MTREX: variants seen among roughly 807,000 people sequenced by gnomAD.
The protein encoded by MTREX is Mtr4 exosome RNA helicase, also known as exosome RNA helicase MTR4.
In MTREX, 76 loss-of-function variants were observed where a neutral mutation model predicts 135.4. That is an observed-to-expected ratio of 0.56 (90% confidence interval 0.47 to 0.68). MTREX has a LOEUF of 0.68. MTREX is among the 30% of genes least tolerant of loss of function. The pLI is 0.00. For missense variants in MTREX, 920 were observed against 1,262.1 expected (o/e 0.73, Z 4.11); for synonymous variants, 404 against 401.6 (o/e 1.01, Z -0.07).
intron 16 of MTREX, among the ~76,000 whole-genome samples, chr5:55,375,469 A>G (rs1056633790): frequency 1.3e-5 from 2 of 152,184 alleles, no homozygotes; most frequent in Non-Finnish European, 2.9e-5. Flanking sequence ...AAGAAGAGAA[A>G]TATGGCTCTG....
At chr5:55,393,579 A>G (rs1750602598) in intron 19 of MTREX, among the ~76,000 whole-genome samples, 1 of 152,214 alleles carries the variant, frequency 6.6e-6, no homozygotes, top group Non-Finnish European at 1.5e-5. Context: ...TGCTTCTTAT[A>G]TTGTCTACCA....
intron 13 of MTREX, among the ~76,000 whole-genome samples, chr5:55,351,841 A>C (rs1342876580): frequency 6.6e-6 from 1 of 150,508 alleles, no homozygotes; most frequent in African/African-American, 2.4e-5. Context: ...TATGACTCAT[A>C]CTTTTTTTTT....
chr5:55,403,947 C>T (rs758508541), intron 21 of MTREX, among the ~76,000 whole-genome samples: 2 of 152,182 alleles, frequency 1.3e-5, no homozygotes, highest in Non-Finnish European at 1.5e-5. Flanking sequence ...CTTTATCACT[C>T]AGTAGCTCTG....
chr5:55,409,706 T>C (rs914436465), intron 22 of MTREX, among the ~76,000 whole-genome samples: 2 of 152,216 alleles, frequency 1.3e-5, no homozygotes, highest in Non-Finnish European at 2.9e-5. Context: ...TCTGGACTTG[T>C]ACATTTTGAC....
At chr5:55,383,874 A>G (rs141309273) in intron 18 of MTREX, among the ~76,000 whole-genome samples, 74 of 152,296 alleles carry the variant, frequency 4.9e-4, no homozygotes, top group Middle Eastern at 3.4e-3. Flanking sequence ...AGCTCAAGCA[A>G]TCCTTCCACC....
At chr5:55,376,254 A>G (rs78730105) in intron 16 of MTREX, among the ~76,000 whole-genome samples, 62 of 152,244 alleles carry the variant, frequency 4.1e-4, no homozygotes, top group Non-Finnish European at 8.2e-4. Flanking sequence ...TTTCCCATGA[A>G]TGATCAGTCA....
At chr5:55,364,798 A>G (rs1156261950) in intron 15 of MTREX, among the ~76,000 whole-genome samples, 4 of 150,094 alleles carry the variant, frequency 2.7e-5, no homozygotes, top group African/African-American at 9.8e-5. Context: ...GGGAGAGAGA[A>G]CGCAGAATAA....
chr5:55,416,678 T>G (rs951890878), intron 25 of MTREX, among the ~76,000 whole-genome samples: 2 of 152,116 alleles, frequency 1.3e-5, no homozygotes, highest in South Asian at 2.1e-4. Flanking sequence ...AAGTGAATAA[T>G]AAGAAGCAAA....
chr5:55,337,240 C>G (rs1027509673), intron 5 of MTREX, among the ~76,000 whole-genome samples: 2 of 152,088 alleles, frequency 1.3e-5, no homozygotes, highest in African/African-American at 4.8e-5. Flanking sequence ...CCCACCTCAG[C>G]CACCTTAGTA....
chr5:55,383,243 T>C (rs1346426530), intron 18 of MTREX, among the ~76,000 whole-genome samples: 6 of 152,202 alleles, frequency 3.9e-5, no homozygotes, highest in African/African-American at 1.4e-4. Flanking sequence ...TTTATAATTA[T>C]ATAATTACCT....
At chr5:55,323,656 G>A (rs1373119965) in intron 2 of MTREX, among the ~76,000 whole-genome samples, 4 of 152,162 alleles carry the variant, frequency 2.6e-5, no homozygotes, top group African/African-American at 9.7e-5. Context: ...CTGGGCTCAA[G>A]TGATCCACCC....
Position 55,388,259 on chromosome 5 carries a change from G to A in MTREX, c.2181+157G>A, listed in dbSNP as rs553098269. Reference sequence around the variant, plus strand: ...AGGTATATTAGTAAAGCTATCTAACGTATCAGTAGGATAATTAATGAGATT... The same window carrying A: ...AGGTATATTAGTAAAGCTATCTAACATATCAGTAGGATAATTAATGAGATT... On this transcript the variant is annotated intron_variant, in intron 19 of 26. Coordinates refer to ENST00000230640, the MANE Select transcript of MTREX (RefSeq NM_015360.5). Among the ~76,000 whole-genome samples, 140 of 152,148 alleles carry A rather than the reference G, an allele frequency of 9.2e-4. 2 individuals are homozygous for A. In the Middle Eastern group the frequency reaches 0.017, roughly 18 times the overall value.
At chr5:55,331,137 T>C (rs1316959913) in intron 5 of MTREX, among the ~76,000 whole-genome samples, 2 of 152,168 alleles carry the variant, frequency 1.3e-5, no homozygotes, top group South Asian at 4.1e-4. Flanking sequence ...AATATCCCTG[T>C]TTACTAATTC....
chr5:55,394,694 G>A (rs1432968796), intron 19 of MTREX, among the ~76,000 whole-genome samples: 1 of 152,108 alleles, frequency 6.6e-6, no homozygotes, highest in Non-Finnish European at 1.5e-5. Flanking sequence ...ACCATCCCGG[G>A]GCTTGGGGAC....
intron 3 of MTREX, among the ~76,000 whole-genome samples, chr5:55,326,399 CAAAAAAAGAAAA>C: frequency 6.6e-6 from 1 of 150,846 alleles, no homozygotes; most frequent in Non-Finnish European, 1.5e-5. Flanking sequence ...GACTCTGTCT[CAAAAAAAGAAAA>C]AAGAAAAGAA....
chr5:55,421,080 A>C (rs370920318), intron 25 of MTREX, among the ~76,000 whole-genome samples: 2 of 152,310 alleles, frequency 1.3e-5, no homozygotes, highest in South Asian at 2.1e-4. Context: ...CCAGTAGGTT[A>C]ATGTGGTTTT....
At chr5:55,395,830 GAC>G (rs1750637469) in intron 19 of MTREX, among the ~76,000 whole-genome samples, 1 of 152,130 alleles carries the variant, frequency 6.6e-6, no homozygotes, top group Admixed American at 6.5e-5. Flanking sequence ...GGTCTTGAGA[GAC>G]ACAGAAAACT....
rs2111602604 is a variant in MTREX at position 55,405,517 on chromosome 5, A to G, written c.2574A>G (p.Leu858=). The change falls in exon 22 of 27, where the codon TTA becomes TTG. Residue 858 remains leucine, a synonymous_variant. Transcript: ENST00000230640. ...AACTCAAATGTCGCAAACGTGTTTT[A>G]AGAAGGTTGGGATTTGCTACTTCTT... ...MDELKCRKRV[L]RRLGFATSSD... 1.2e-6 allele frequency: 2 copies of G among 1,614,054 alleles called. No homozygotes were observed. Among genetic ancestry groups the G allele is most frequent in the Middle Eastern group, 3.3e-4 (2 of 6,060 alleles).
At chr5:55,350,089 C>A (rs180974593) in intron 12 of MTREX, among the ~76,000 whole-genome samples, 225 of 152,268 alleles carry the variant, frequency 1.5e-3, no homozygotes, top group Admixed American at 3.7e-3. Context: ...CCAAAATATG[C>A]TGATGCTTTT....
Sources: allele counts gnomAD v4.1 joint callset (sites outside exome capture counted in the v4.1 genomes callset), GRCh38; gene constraint gnomAD v4.1.1; transcripts MANE v1.5; gene names NCBI Gene and HGNC (gene_info 2026-07-23, HGNC 2026-07-21).